The following GRM7 variants were observed in gnomAD, a reference collection of about 807,000 sequenced individuals.
GRM7 encodes glutamate metabotropic receptor 7.
In GRM7, 35 loss-of-function variants were observed where a neutral mutation model predicts 84.5. The observed-to-expected ratio is 0.41, with a 90% CI of 0.32 to 0.55. The LOEUF (loss-of-function observed/expected upper bound fraction) is 0.55, where lower values mean the gene tolerates loss of function less well. Among genes scored for constraint, GRM7 ranks in the 20% least tolerant of loss-of-function variants. GRM7 has a pLI of 0.19. For synonymous variants in GRM7, 487 were observed against 455.1 expected (o/e 1.07, Z -0.89); for missense variants, 1,003 against 1,194.6 (o/e 0.84, Z 2.36).
intron 4 of GRM7, among the ~76,000 whole-genome samples, chr3:7,321,123 T>C (rs926507973): frequency 1.3e-5 from 2 of 151,910 alleles, no homozygotes; most frequent in African/African-American, 4.8e-5. Flanking sequence ...AGAAAAATAA[T>C]ATATATGGAT....
At chr3:7,041,835 G>A (rs1299672552) in intron 1 of GRM7, among the ~76,000 whole-genome samples, 1 of 152,204 alleles carries the variant, frequency 6.6e-6, no homozygotes, top group African/African-American at 2.4e-5. Flanking sequence ...CAAGACAGGT[G>A]GAATTTTAAG....
intron 2 of GRM7, among the ~76,000 whole-genome samples, chr3:7,229,741 ATATATATATATATATATATTTTTT>A (rs1697109738): frequency 2.6e-5 from 1 of 38,080 alleles, no homozygotes. Context: ...ATATATATAT[ATATATATATATATATATATTTTTT>A]TTTTTTTTTG....
chr3:6,999,845 G>C (rs553930938), intron 1 of GRM7, among the ~76,000 whole-genome samples: 1 of 152,156 alleles, frequency 6.6e-6, no homozygotes, highest in Non-Finnish European at 1.5e-5. Context: ...TGCCTCTCAA[G>C]ACAATTGGGG....
chr3:6,982,906 G>GT (rs1376836669), intron 1 of GRM7, among the ~76,000 whole-genome samples: 1 of 152,156 alleles, frequency 6.6e-6, no homozygotes, highest in African/African-American at 2.4e-5. Context: ...GCTGTTCCCA[G>GT]TTTTTGGATA....
chr3:7,723,225 G>C (rs1702014398), intron 9 of GRM7, among the ~76,000 whole-genome samples: 1 of 152,062 alleles, frequency 6.6e-6, no homozygotes, highest in Non-Finnish European at 1.5e-5. Context: ...CTAATTAACA[G>C]TAATTCTCTG....
intron 1 of GRM7, among the ~76,000 whole-genome samples, chr3:7,127,066 A>G (rs1693427246): frequency 6.6e-6 from 1 of 152,250 alleles, no homozygotes; most frequent in Non-Finnish European, 1.5e-5. Context: ...CCAAACTGGA[A>G]TGATGCCTTT....
chr3:6,883,090 C>A (rs781598157), intron 1 of GRM7, among the ~76,000 whole-genome samples: 4 of 152,122 alleles, frequency 2.6e-5, no homozygotes, highest in Non-Finnish European at 1.5e-5. Flanking sequence ...CCATTTATTT[C>A]ATTTGTGCCA....
chr3:7,152,975 T>C (rs1225978119), intron 2 of GRM7, among the ~76,000 whole-genome samples: 1 of 152,076 alleles, frequency 6.6e-6, no homozygotes, highest in Non-Finnish European at 1.5e-5. Context: ...GCTGGGGCGA[T>C]GGAAAACCCA....
chr3:7,589,999 T>A (rs1408683941), intron 8 of GRM7, among the ~76,000 whole-genome samples: 1 of 152,222 alleles, frequency 6.6e-6, no homozygotes, highest in East Asian at 1.9e-4. Flanking sequence ...AAACAGCAAC[T>A]AAGAAAGGTT....
At chr3:7,411,374 T>C (rs1054726652) in intron 4 of GRM7, among the ~76,000 whole-genome samples, 2 of 152,180 alleles carry the variant, frequency 1.3e-5, no homozygotes, top group Non-Finnish European at 2.9e-5. Flanking sequence ...AAAATAGTTA[T>C]AACATTACCA....
chr3:7,345,765 T>C (rs1481283071), intron 4 of GRM7, among the ~76,000 whole-genome samples: 1 of 152,054 alleles, frequency 6.6e-6, no homozygotes, highest in Admixed American at 6.6e-5. Context: ...TTCATTCCTG[T>C]AGTCTTTGGG....
intron 7 of GRM7, among the ~76,000 whole-genome samples, chr3:7,514,047 G>T (rs1417609276): frequency 1.3e-5 from 2 of 152,208 alleles, no homozygotes; most frequent in Non-Finnish European, 2.9e-5. Context: ...GCTGTAAGCT[G>T]GGGGCCATGA....
At chr3:7,565,142 A>G (rs1446791794) in intron 7 of GRM7, among the ~76,000 whole-genome samples, 1 of 152,224 alleles carries the variant, frequency 6.6e-6, no homozygotes. Context: ...TGAGACTCAC[A>G]AAAGTAATTA....
In GRM7 at chr3:6,868,009, C is replaced by A. The variant is rs575331600; in HGVS notation, c.519+6102C>A. Among the ~76,000 whole-genome samples, 120 of 152,274 alleles carry A rather than the reference C, an allele frequency of 7.9e-4. 1 individual carries two copies. Among genetic ancestry groups the A allele is most frequent in the African/African-American group, 2.7e-3 (114 of 41,566 alleles). ...TATAGGATATATGTCACATTTTATG[C>A]AAACCGACTTTCTAATCTTTTTTCA... is the stretch of plus-strand genomic sequence containing the variant. On this transcript the variant is annotated intron_variant, in intron 1 of 9. Coordinates refer to ENST00000357716, the MANE Select transcript of GRM7 (RefSeq NM_000844.4).
intron 4 of GRM7, among the ~76,000 whole-genome samples, chr3:7,373,947 G>T (rs1282353978): frequency 6.6e-6 from 1 of 152,136 alleles, no homozygotes; most frequent in African/African-American, 2.4e-5. Flanking sequence ...AACCGTCTGT[G>T]ACTAGTGGCT....
At chr3:7,033,703 C>A (rs1355573521) in intron 1 of GRM7, among the ~76,000 whole-genome samples, 1 of 152,056 alleles carries the variant, frequency 6.6e-6, no homozygotes, top group East Asian at 1.9e-4. Flanking sequence ...AAACAATAAG[C>A]AGAACAGGAT....
chr3:6,891,771 T>A (rs576234780), intron 1 of GRM7, among the ~76,000 whole-genome samples: 2 of 152,316 alleles, frequency 1.3e-5, no homozygotes, highest in African/African-American at 2.4e-5. Context: ...TGAATCTGAA[T>A]GTTGGCCTGC....
At position 7,499,368 on chromosome 3, in the gene GRM7, C is replaced by T. The variant is rs191182796; in HGVS notation, c.1515+37646C>T. ...CACCCAGTTTTAAACGGAGATGGCA[C>T]AGATACTGCCTCCTGATAGTCAATG... On this transcript the variant is annotated intron_variant, in intron 7 of 9. Transcript: ENST00000357716. Among the ~76,000 whole-genome samples, 162 of 152,268 alleles carry T rather than the reference C, an allele frequency of 1.1e-3. 1 individual carries two copies. Among genetic ancestry groups the T allele is most frequent in the African/African-American group, 3.7e-3 (153 of 41,546 alleles).
At chr3:7,253,157 CTA>C (rs979825339) in intron 2 of GRM7, among the ~76,000 whole-genome samples, 5 of 151,866 alleles carry the variant, frequency 3.3e-5, no homozygotes, top group Admixed American at 6.6e-5. Context: ...CCAGCACTCT[CTA>C]TTTTAAAATA....
Sources: gnomAD v4.1 joint callset for allele counts (sites outside exome capture counted in the v4.1 genomes callset) on GRCh38, gnomAD v4.1.1 for gene constraint, MANE v1.5 for transcripts, NCBI Gene and HGNC (gene_info 2026-07-23, HGNC 2026-07-21) for gene names.